The following GYS2 variants were observed in gnomAD, a reference collection of about 807,000 sequenced individuals.
The protein encoded by GYS2 is glycogen [starch] synthase, liver.
In GYS2, 80 loss-of-function variants were observed where a neutral mutation model predicts 85.6. The ratio of observed to expected loss-of-function variants is 0.93; its 90% CI spans 0.78 to 1.13. The LOEUF is 1.13. Among genes scored for constraint, GYS2 ranks in the 50% most tolerant of loss-of-function variants. The pLI is 0.00. For synonymous variants in GYS2, 328 were observed against 300.7 expected (o/e 1.09, Z -0.94); for missense variants, 881 against 854.9 (o/e 1.03, Z -0.38).
chr12:21,534,926 C>G (rs1208242471), downstream of GYS2: 1 of 152,204 alleles, frequency 6.6e-6, no homozygotes, highest in Non-Finnish European at 1.5e-5. Context: ...GTACAAGGCA[C>G]TGTACTAGAC....
At chr12:21,549,171 C>G (rs530325514) in intron 11 of GYS2, among the ~76,000 whole-genome samples, 1 of 152,172 alleles carries the variant, frequency 6.6e-6, no homozygotes. Context: ...AACTTGCTAA[C>G]TCTGTGAATG....
chr12:21,537,828 T>G (rs1943927667), intron 15 of GYS2, among the ~76,000 whole-genome samples: 1 of 152,124 alleles, frequency 6.6e-6, no homozygotes. Flanking sequence ...AAACACACAC[T>G]GCAATGCCAC....
At chr12:21,581,797 G>T (rs1011936894) in intron 1 of GYS2, among the ~76,000 whole-genome samples, 5 of 152,146 alleles carry the variant, frequency 3.3e-5, no homozygotes, top group African/African-American at 1.2e-4. Context: ...CAAAAAATTA[G>T]AAACAACTTA....
intron 7 of GYS2, among the ~76,000 whole-genome samples, 188 bp from the exon 8 acceptor site, chr12:21,560,680 AT>A (rs1944242647): frequency 6.6e-6 from 1 of 152,248 alleles, no homozygotes; most frequent in South Asian, 2.1e-4. Context: ...TAAAATCAAA[AT>A]AAATTTTAAA....
chr12:21,586,911 G>A (rs1944580697), intron 1 of GYS2, among the ~76,000 whole-genome samples: 2 of 152,032 alleles, frequency 1.3e-5, no homozygotes, highest in Non-Finnish European at 2.9e-5. Flanking sequence ...GCAAAGATAT[G>A]GAATCAACCT....
intron 1 of GYS2, among the ~76,000 whole-genome samples, chr12:21,596,259 G>T (rs1374130204): frequency 1.3e-5 from 2 of 151,998 alleles, no homozygotes; most frequent in Non-Finnish European, 2.9e-5. Context: ...ATTCTATGAA[G>T]CCAGCATCAC....
rs1318026904 is a variant in GYS2, at chr12:21,580,391, T to C, written c.254A>G (p.Asn85Ser). 1 of 1,613,968 alleles carries C rather than the reference T, an allele frequency of 6.2e-7. No individual in the cohort carries two copies. Among genetic ancestry groups the C allele is most frequent in the Admixed American group, 1.7e-5 (1 of 60,012 alleles). Residue 85 changes from asparagine to serine, a missense_variant, in exon 2 of 16, where the codon AAT (asparagine) becomes AGT (serine). Physicochemically the swap from Asn to Ser is conservative, Grantham distance 46. Coordinates refer to ENST00000261195, the MANE Select transcript of GYS2 (RefSeq NM_021957.4). ...GTCCACTGCTCTTCTGACAGCATCA[T>C]TTACAGGTTCACACTGTTCCACCTG... The part of the protein sequence containing the change: ...KTQVEQCEPV[N>S]DAVRRAVDAM...
chr12:21,603,697 C>G (rs894328361), intron 1 of GYS2, among the ~76,000 whole-genome samples: 1 of 152,100 alleles, frequency 6.6e-6, no homozygotes, highest in Non-Finnish European at 1.5e-5. Context: ...AAAACCATGA[C>G]TTTTTCTTTG....
rs748005542 is a variant in GYS2 at position 21,568,944 on chromosome 12, G to A, written c.744C>T (p.Ser248=). ...IYHRYCMERA[S]VHCAHVFTTV... ...TGGTGAACACGTGAGCGCAATGAAC[G>A]GAAGCTCGCTCCATGCAGTACCGGT... Residue 248 remains serine (S), a synonymous_variant, in exon 5 of 16, where the codon TCC becomes TCT. Coordinates refer to ENST00000261195, the MANE Select transcript of GYS2 (RefSeq NM_021957.4). 10 of 1,613,520 alleles carry A rather than the reference G, an allele frequency of 6.2e-6. No homozygotes were observed. The Admixed American group carries it at 1.5e-4, about 24-fold the overall frequency.
At chr12:21,560,724 A>C (rs1331462622) in intron 7 of GYS2, among the ~76,000 whole-genome samples, 2 of 152,196 alleles carry the variant, frequency 1.3e-5, no homozygotes, top group Non-Finnish European at 2.9e-5. Context: ...AAACAAATTG[A>C]CTTTCAATCA....
Position 21,559,045 on chromosome 12 carries a change from G to T in GYS2, c.1308+46C>A, listed in dbSNP as rs1275591943. Reference sequence around the variant, plus strand: ...AATAAATTAAAATACTGATTAGATAGAATTTAATAACTATGGGACATAGTG... The same window carrying T: ...AATAAATTAAAATACTGATTAGATATAATTTAATAACTATGGGACATAGTG... On this transcript the variant is annotated intron_variant, in intron 10 of 15. Coordinates refer to ENST00000261195, the MANE Select transcript of GYS2 (RefSeq NM_021957.4). The T allele has an allele frequency of 6.5e-6, 7 of 1,083,172 alleles. No individual in the cohort carries two copies. In the African/African-American group the frequency reaches 1.1e-4, roughly 17 times the overall value. 67.1% of individuals were successfully genotyped at this position (1,083,172 alleles called of 1,614,324 possible). A position where few individuals can be genotyped will look rare whatever the true frequency, so the allele number is the denominator to read the frequency against.
chr12:21,561,151 G>A (rs1275469979), intron 7 of GYS2, among the ~76,000 whole-genome samples: 2 of 152,226 alleles, frequency 1.3e-5, no homozygotes, highest in South Asian at 4.1e-4. Context: ...TGTACAATAG[G>A]CATTTCTCTC....
chr12:21,598,039 A>G lies in GYS2; in HGVS notation c.121+6433T>C, dbSNP rs1210578194. Reference sequence around the variant, plus strand: ...GTAGAATGACAGAAACCAGAGGTAGAGAAAGGTGTGTACGTTATGGGAGGA... The same window carrying G: ...GTAGAATGACAGAAACCAGAGGTAGGGAAAGGTGTGTACGTTATGGGAGGA... On this transcript the variant is annotated intron_variant, in intron 1 of 15. Coordinates refer to ENST00000261195, the MANE Select transcript of GYS2 (RefSeq NM_021957.4). Among the ~76,000 whole-genome samples, 10 of 152,154 alleles carry G rather than the reference A, an allele frequency of 6.6e-5. No homozygotes were observed. In the East Asian group the frequency reaches 1.9e-3, roughly 29 times the overall value.
At chr12:21,541,928 G>A (rs1943980710) in intron 13 of GYS2, among the ~76,000 whole-genome samples, 1 of 151,926 alleles carries the variant, frequency 6.6e-6, no homozygotes, top group Non-Finnish European at 1.5e-5. Context: ...TCAATGTTTA[G>A]CTCCCACTTA....
intron 1 of GYS2, among the ~76,000 whole-genome samples, chr12:21,600,988 A>C (rs1026405692): frequency 6.6e-6 from 1 of 152,116 alleles, no homozygotes; most frequent in Non-Finnish European, 1.5e-5. Context: ...TTTAAGAGGG[A>C]AGCATTTATT....
intron 1 of GYS2, among the ~76,000 whole-genome samples, chr12:21,602,451 A>G (rs1481112321): frequency 6.6e-6 from 1 of 152,116 alleles, no homozygotes; most frequent in Non-Finnish European, 1.5e-5. Context: ...AAATCATTAA[A>G]TTTAAAGAAA....
intron 4 of GYS2, 35 bp downstream of exon 4, chr12:21,574,109 G>A (rs1055337572): frequency 4.0e-6 from 6 of 1,489,572 alleles, no homozygotes; most frequent in Non-Finnish European, 5.6e-6. Context: ...TCTGAAAGAA[G>A]GGTGAGTAAG....
At position 21,536,903 on chromosome 12, in the gene GYS2, TA is replaced by T; in HGVS notation, c.*50del. The T allele has an allele frequency of 8.3e-7, 1 of 1,209,240 alleles. No individual in the cohort carries two copies. Among genetic ancestry groups the T allele is most frequent in the Non-Finnish European group, 1.2e-6 (1 of 813,204 alleles). The allele number at this position is 1,209,240 out of a possible 1,614,324, so 74.9% of individuals were successfully genotyped here. ...TTGTGGCATTTTTATTTTAAATAATTAGTCTTACTTTGCTTTTTTAAATTAG... is the reference window on the plus strand; with the variant it reads ...TTGTGGCATTTTTATTTTAAATAATTGTCTTACTTTGCTTTTTTAAATTAG... On this transcript the variant is annotated 3_prime_UTR_variant, in exon 16 of 16. Coordinates refer to ENST00000261195, the MANE Select transcript of GYS2 (RefSeq NM_021957.4).
At chr12:21,554,803 A>G (rs148076516) in intron 11 of GYS2, among the ~76,000 whole-genome samples, 6 of 152,344 alleles carry the variant, frequency 3.9e-5, no homozygotes, top group African/African-American at 9.6e-5. Flanking sequence ...AGTGTTACGT[A>G]TGTTTAGGAA....
Sources: allele counts gnomAD v4.1 joint callset (sites outside exome capture counted in the v4.1 genomes callset), GRCh38; gene constraint gnomAD v4.1.1; transcripts MANE v1.5; gene names NCBI Gene and HGNC (gene_info 2026-07-23, HGNC 2026-07-21).